The following NUP188 variants were observed in gnomAD, a reference collection of about 807,000 sequenced individuals.
The protein encoded by NUP188 is nucleoporin NUP188.
A neutral mutation model predicts 223.0 loss-of-function variants in NUP188; 97 were observed. That is an observed-to-expected ratio of 0.43 (90% CI 0.37 to 0.51). NUP188 has a LOEUF of 0.51. Ranked by LOEUF, NUP188 falls within the 20% of genes least tolerant of loss-of-function variation. The pLI is 0.00. For missense variants in NUP188, 1,947 were observed against 2,175.6 expected, an observed-to-expected ratio of 0.89 and a Z score of 2.09; for synonymous variants, 869 against 828.0, an observed-to-expected ratio of 1.05 and a Z score of -0.85.
In NUP188 at chr9:128,956,482, G is replaced by A. The variant is rs368629269; in HGVS notation, c.246+48G>A. 7 of 979,726 alleles carry A rather than the reference G, an allele frequency of 7.1e-6. No individual in the cohort carries two copies. The South Asian group carries it at 7.9e-5, about 11-fold the overall frequency. 60.7% of individuals were successfully genotyped at this position (979,726 alleles called of 1,614,324 possible). A position where few individuals can be genotyped will look rare whatever the true frequency, so the allele number is the denominator to read the frequency against. ...TCAATTTATTACTTGCAGTGTGGATGTGCGTGGTTATATTGCTAGTGATAG... is the reference window on the plus strand; with the variant it reads ...TCAATTTATTACTTGCAGTGTGGATATGCGTGGTTATATTGCTAGTGATAG... On this transcript the variant is annotated intron_variant, in intron 4 of 43. Transcript: ENST00000372577.
At chr9:129,001,444 T>C in intron 34 of NUP188, 85 bp from the exon 35 acceptor site, 2 of 1,330,298 alleles carry the variant, frequency 1.5e-6, no homozygotes, top group Non-Finnish European at 2.1e-6. Context: ...AAGCAGGTCT[T>C]GGGCAACCAG....
At chr9:128,951,192 C>G (rs550600627) in intron 2 of NUP188, among the ~76,000 whole-genome samples, 36 of 152,016 alleles carry the variant, frequency 2.4e-4, no homozygotes, top group Middle Eastern at 6.8e-3. Flanking sequence ...CCTGTAATCC[C>G]AGCTACTCGG....
In NUP188 at chr9:129,005,476, G is replaced by A. The variant is rs758517185; in HGVS notation, c.4683G>A (p.Thr1561=). 3.7e-6 allele frequency: 6 copies of A among 1,605,950 alleles called. No homozygotes were observed. The highest frequency in any genetic ancestry group is 1.3e-5 in the African/African-American group (1 of 74,926). ...GCCTTCTCAAGATCCTCAGCAAGAC[G>A]CTGGCAGCCCTGCGCCACTTCACCC... ...QYGLLKILSK[T]LAALRHFTPD... Residue 1561 remains threonine, a synonymous_variant, in exon 40 of 44, where the codon ACG becomes ACA. Transcript: ENST00000372577.
intron 12 of NUP188, among the ~76,000 whole-genome samples, chr9:128,974,303 C>T (rs185251923): frequency 2.2e-4 from 34 of 151,748 alleles, no homozygotes; most frequent in Admixed American, 1.8e-3. Flanking sequence ...AAATATATAC[C>T]GTTTTGTAAC....
Position 128,957,012 on chromosome 9 carries a change from G to A in NUP188, c.307G>A (p.Gly103Ser). The A allele has an allele frequency of 1.2e-6, 2 of 1,611,678 alleles. No individual in the cohort carries two copies. Among genetic ancestry groups the A allele is most frequent in the Non-Finnish European group, 1.7e-6 (2 of 1,178,366 alleles). ...LQCYLQEDYR[G>S]TRDSVKTVLQ... ...GTGTTACCTGCAAGAGGACTACAGG[G>A]GTACTCGGGACTCAGTAAAGGTTTG... Residue 103 changes from glycine (G) to serine (S), a missense_variant, in exon 5 of 44, where the codon GGT (glycine) becomes AGT (serine). Gly to Ser is a moderately conservative substitution (Grantham distance 56). This residue lies in a region of NUP188 where 817 missense variants were observed against 865.8 expected (regional missense o/e 0.94). Transcript: ENST00000372577.
At chr9:128,948,474 A>G (rs1396246045) in intron 1 of NUP188, 1 of 151,914 alleles carries the variant, frequency 6.6e-6, no homozygotes, top group Admixed American at 6.6e-5. Context: ...AATTCTCGCA[A>G]CTCCGAGAGG....
rs764658575 is a variant in NUP188, at chr9:128,994,852, A to G, written c.3088-4A>G. 2 of 1,613,138 alleles carry G rather than the reference A, an allele frequency of 1.2e-6. No homozygotes were observed. Among genetic ancestry groups the G allele is most frequent in the South Asian group, 2.2e-5 (2 of 91,062 alleles). The stretch of plus-strand genomic sequence containing the variant: ...GATAATTGCCTGTTCTGCTATCTCC[A>G]CAGCCCAGCATCCTGGAAACCTGTG... On this transcript the variant is annotated splice_polypyrimidine_tract_variant and splice_region_variant and intron_variant, in intron 28 of 43. Transcript: ENST00000372577.
rs574785166 is a variant in NUP188 at position 128,999,118 on chromosome 9, G to C, written c.3516-54G>C. The C allele has an allele frequency of 7.8e-5, 120 of 1,539,762 alleles. No homozygotes were observed. In the African/African-American group the frequency reaches 1.5e-3, roughly 19 times the overall value. ...TCCACCCGCCTTGGCCTCCCAAAGT[G>C]CTAGGATTACAGGCATGAGCCACCA... is the stretch of plus-strand genomic sequence containing the variant. On this transcript the variant is annotated intron_variant, in intron 32 of 43. Coordinates refer to ENST00000372577, the MANE Select transcript of NUP188 (RefSeq NM_015354.3).
In NUP188 at chr9:128,968,534, T is replaced by C. The variant is rs17507971; in HGVS notation, c.614T>C (p.Val205Ala). 2.7e-4 allele frequency: 432 copies of C among 1,614,218 alleles called. 1 individual carries two copies. In the African/African-American group the frequency reaches 5.4e-3, roughly 20 times the overall value. Reference sequence around the variant, plus strand: ...GAGCGCCAAGTGTCTCGCTGGTTTGTTCAGTGCCTTCGGGAACAGTCCATG... The same window carrying C: ...GAGCGCCAAGTGTCTCGCTGGTTTGCTCAGTGCCTTCGGGAACAGTCCATG... ...MTERQVSRWF[V>A]QCLREQSMLL... Residue 205 changes from valine to alanine, a missense_variant, in exon 9 of 44, where the codon GTT becomes GCT. Transcript: ENST00000372577.
intron 38 of NUP188, chr9:129,004,864 A>T (rs900243363): frequency 1.0e-5 from 5 of 489,480 alleles, no homozygotes; most frequent in Non-Finnish European, 1.8e-5. Context: ...TCAGGGAGAC[A>T]GTCCAGTCCT....
At chr9:128,998,289 C>A in intron 31 of NUP188, 61 bp downstream of exon 31, 2 of 1,427,206 alleles carry the variant, frequency 1.4e-6, no homozygotes, top group Non-Finnish European at 2.0e-6. Context: ...AGTCAAATAG[C>A]AGAGGTCATG....
At position 129,001,738 on chromosome 9, in the gene NUP188, C is replaced by T. The variant is rs763490565; in HGVS notation, c.4044+9C>T. On this transcript the variant is annotated intron_variant, in intron 35 of 43. Transcript: ENST00000372577. ...TGGCTCGCACTCAGCAGGTAGGAGG[C>T]CAGCCCGAAGGCAGGAGGGAGCGTC... The T allele has an allele frequency of 6.8e-6, 11 of 1,612,146 alleles. No homozygotes were observed. Among genetic ancestry groups the T allele is most frequent in the Admixed American group, 1.7e-5 (1 of 59,816 alleles).
intron 42 of NUP188, 47 bp from the exon 43 acceptor site, chr9:129,006,192 C>T: frequency 6.2e-7 from 1 of 1,614,112 alleles, no homozygotes; most frequent in African/African-American, 1.3e-5. Context: ...CAAGCTTGGC[C>T]AGCCTGGCCC....
intron 23 of NUP188, 95 bp from the exon 24 acceptor site, chr9:128,987,952 T>TG (rs1196663575): frequency 9.8e-6 from 14 of 1,424,858 alleles, no homozygotes; most frequent in Admixed American, 1.8e-5. Context: ...TGTTGAACTC[T>TG]GGGATTATTG....
chr9:128,981,316 A>G lies in NUP188; in HGVS notation c.1442A>G (p.Lys481Arg). ...TTCTACAATGAACTTTATAAACACA[A>G]GCCTCATGATGTGATCTCCCATGAA... ...MSFYNELYKHKPHDVISHEDG... is the reference protein window; with the variant it reads ...MSFYNELYKHRPHDVISHEDG... Residue 481 changes from lysine to arginine, a missense_variant, in exon 15 of 44, where the codon AAG (lysine) becomes AGG (arginine). Around this residue, in one of 3 missense-constraint regions of NUP188, gnomAD observed 817 missense variants for 865.8 expected, o/e 0.94. Coordinates refer to ENST00000372577, the MANE Select transcript of NUP188 (RefSeq NM_015354.3). 11 of 1,614,076 alleles carry G rather than the reference A, an allele frequency of 6.8e-6. No homozygotes were observed. The highest frequency in any genetic ancestry group is 9.3e-6 in the Non-Finnish European group (11 of 1,179,926).
intron 12 of NUP188, among the ~76,000 whole-genome samples, chr9:128,975,105 G>A (rs1240085448): frequency 2.0e-5 from 3 of 151,726 alleles, no homozygotes; most frequent in Admixed American, 2.0e-4. Context: ...GCCTGTAACA[G>A]CTTTCTAAAT....
At chr9:128,986,041 G>A (rs116781133) in intron 20 of NUP188, among the ~76,000 whole-genome samples, 5,242 of 151,730 alleles carry the variant, frequency 0.035, 208 homozygotes, top group African/African-American at 0.093. Flanking sequence ...CTCCATCTTG[G>A]GGGCGAAAAA....
chr9:128,955,625 TTTTTC>T (rs1475723889), intron 3 of NUP188, among the ~76,000 whole-genome samples: 2 of 152,120 alleles, frequency 1.3e-5, no homozygotes, highest in Non-Finnish European at 2.9e-5. Flanking sequence ...TGTCCTTCCT[TTTTTC>T]TTTTTTTCTT....
chr9:129,005,582 T>C (rs375983533), intron 40 of NUP188, 52 bp downstream of exon 40: 23 of 1,611,242 alleles, frequency 1.4e-5, no homozygotes, highest in Non-Finnish European at 1.8e-5. Flanking sequence ...TCTGCTCTGC[T>C]GTGTACCGAG....
Sources: gnomAD v4.1 joint callset for allele counts (sites outside exome capture counted in the v4.1 genomes callset) on GRCh38, gnomAD v4.1.1 for gene constraint, gnomAD v4.1.1 regional missense constraint, MANE v1.5 for transcripts, NCBI Gene and HGNC (gene_info 2026-07-23, HGNC 2026-07-21) for gene names.